The following GPHN variants were observed in gnomAD, a reference collection of about 807,000 sequenced individuals.
GPHN encodes gephyrin.
GPHN carries 17 observed loss-of-function variants against 95.5 expected under a neutral mutation model. The observed-to-expected ratio is 0.18, with a 90% CI of 0.12 to 0.27. The LOEUF (loss-of-function observed/expected upper bound fraction) is 0.27, where lower values mean the gene tolerates loss of function less well. GPHN is among the 10% of genes least tolerant of loss of function. GPHN has a pLI of 1.00. For synonymous variants in GPHN, 320 were observed against 322.5 expected, an observed-to-expected ratio of 0.99 and a Z score of 0.08; for missense variants, 660 against 978.1, an observed-to-expected ratio of 0.67 and a Z score of 4.34.
At chr14:66,779,584 G>A (rs1258621312) in intron 3 of GPHN, among the ~76,000 whole-genome samples, 1 of 152,060 alleles carries the variant, frequency 6.6e-6, no homozygotes, top group Non-Finnish European at 1.5e-5. Context: ...TAAACCAAGA[G>A]TTTTATGGAA....
At chr14:67,733,373 C>T in the GPHN span, among the ~76,000 whole-genome samples, 1 of 152,140 alleles carries the variant, frequency 6.6e-6, no homozygotes, top group African/African-American at 2.4e-5. Context: ...CGAATGTAGG[C>T]ACTGAACTGT....
chr14:67,682,189 G>A, the GPHN span, among the ~76,000 whole-genome samples: 2 of 152,162 alleles, frequency 1.3e-5, no homozygotes, highest in African/African-American at 4.8e-5. Flanking sequence ...AAAGACAGTA[G>A]TAAATCTTTG....
At chr14:66,650,331 A>G (rs1445933392) in intron 1 of GPHN, among the ~76,000 whole-genome samples, 1 of 152,198 alleles carries the variant, frequency 6.6e-6, no homozygotes, top group African/African-American at 2.4e-5. Flanking sequence ...AAAGAACAGA[A>G]GCAATTACTA....
intron 20 of GPHN, among the ~76,000 whole-genome samples, chr14:67,168,002 T>G (rs1424711749): frequency 6.6e-6 from 1 of 152,244 alleles, no homozygotes; most frequent in Non-Finnish European, 1.5e-5. Context: ...CCTCAAATTC[T>G]TCTCATAACT....
At chr14:67,713,705 C>G in the GPHN span, among the ~76,000 whole-genome samples, 1 of 152,176 alleles carries the variant, frequency 6.6e-6, no homozygotes, top group African/African-American at 2.4e-5. Context: ...GGCGCGTACC[C>G]AAGACACAGC....
chr14:66,646,224 G>A (rs1426297737), intron 1 of GPHN, among the ~76,000 whole-genome samples: 1 of 152,060 alleles, frequency 6.6e-6, no homozygotes, highest in Non-Finnish European at 1.5e-5. Context: ...CTAATCATTA[G>A]GCAAATGCAA....
intron 2 of GPHN, among the ~76,000 whole-genome samples, chr14:66,736,706 A>G (rs1042889798): frequency 4.6e-5 from 7 of 152,092 alleles, no homozygotes; most frequent in East Asian, 3.8e-4. Flanking sequence ...TGCCTGGCCT[A>G]TTTTGACTGT....
At position 66,922,770 on chromosome 14, in the gene GPHN, T is replaced by C; in HGVS notation, c.561T>C (p.Pro187=). Residue 187 remains proline (P), a synonymous_variant, in exon 7 of 23, where the codon CCT becomes CCC. Transcript: ENST00000478722. ...TGCATGATGAACTTGAAGATTTGCC[T>C]TCCCCACCTCCCCCTCTTTCCCCTC... is the stretch of plus-strand genomic sequence containing the variant. ...KEVHDELEDL[P]SPPPPLSPPP... 6.2e-7 allele frequency: 1 copy of C among 1,613,774 alleles called. No individual in the cohort carries two copies. The highest frequency in any genetic ancestry group is 8.5e-7 in the Non-Finnish European group (1 of 1,179,738).
the GPHN span, among the ~76,000 whole-genome samples, chr14:67,368,238 C>G: frequency 6.6e-6 from 1 of 152,126 alleles, no homozygotes; most frequent in Non-Finnish European, 1.5e-5. Flanking sequence ...AGTTTGAATG[C>G]TTTTGGCGGG....
rs530590230 is a variant in GPHN at position 67,170,735 on chromosome 14, A to G, written c.2079+1699A>G. Among the ~76,000 whole-genome samples, 25 of 152,348 alleles carry G rather than the reference A, an allele frequency of 1.6e-4. 1 individual carries two copies. In the South Asian group the frequency reaches 5.2e-3, roughly 32 times the overall value. On this transcript the variant is annotated intron_variant, in intron 21 of 22. Transcript: ENST00000478722. ...CAGCAGTGTCACTGGGACTGCCAGTATGGGTCATCAGTATGCTTGGCTATT... is the reference window on the plus strand; with the variant it reads ...CAGCAGTGTCACTGGGACTGCCAGTGTGGGTCATCAGTATGCTTGGCTATT...
At chr14:67,668,460 G>A in the GPHN span, among the ~76,000 whole-genome samples, 338 of 152,328 alleles carry the variant, frequency 2.2e-3, no homozygotes, top group Non-Finnish European at 3.5e-3. Flanking sequence ...CTGTACTTTG[G>A]AGAAATACAG....
At chr14:66,719,319 G>T (rs2104111) in intron 2 of GPHN, among the ~76,000 whole-genome samples, 49,840 of 152,036 alleles carry the variant, frequency 0.33, 11,991 homozygotes, top group African/African-American at 0.66. Context: ...TTCCTCTGAT[G>T]CCTCTATCCG....
the GPHN span, among the ~76,000 whole-genome samples, chr14:67,713,435 A>G: frequency 6.7e-6 from 1 of 149,168 alleles, no homozygotes; most frequent in Non-Finnish European, 1.5e-5. Flanking sequence ...GAGGGGATGT[A>G]CAGCAAAATA....
chr14:67,346,607 G>C, the GPHN span, among the ~76,000 whole-genome samples: 4 of 152,288 alleles, frequency 2.6e-5, no homozygotes, highest in African/African-American at 9.6e-5. Context: ...GAGCCACTGT[G>C]CCTGGCCAAG....
At chr14:67,622,822 G>T in the GPHN span, among the ~76,000 whole-genome samples, 5 of 152,280 alleles carry the variant, frequency 3.3e-5, no homozygotes, top group East Asian at 7.7e-4. Flanking sequence ...GACAAGAAGC[G>T]GTTTCAGCCT....
chr14:66,633,456 C>A (rs1007147228), intron 1 of GPHN, among the ~76,000 whole-genome samples: 2 of 152,094 alleles, frequency 1.3e-5, no homozygotes, highest in African/African-American at 4.8e-5. Context: ...TTACTGTATA[C>A]TCTTTCTGTT....
At chr14:67,728,701 T>TGTG in the GPHN span, among the ~76,000 whole-genome samples, 1 of 58,738 alleles carries the variant, frequency 1.7e-5, no homozygotes, top group East Asian at 7.2e-4. Flanking sequence ...AGGGATATCT[T>TGTG]GTGGGGGGGG....
the GPHN span, among the ~76,000 whole-genome samples, chr14:67,349,493 G>C: frequency 6.6e-6 from 1 of 152,136 alleles, no homozygotes; most frequent in East Asian, 1.9e-4. Flanking sequence ...CTTTACCCTG[G>C]AAACTATGTT....
At chr14:67,299,802 A>G in the GPHN span, among the ~76,000 whole-genome samples, 6 of 152,144 alleles carry the variant, frequency 3.9e-5, no homozygotes, top group Non-Finnish European at 8.8e-5. Flanking sequence ...ATAGGGAGAA[A>G]ATCTCTAATA....
Sources: gnomAD v4.1 joint callset for allele counts (sites outside exome capture counted in the v4.1 genomes callset) on GRCh38, gnomAD v4.1.1 for gene constraint, MANE v1.5 for transcripts, NCBI Gene and HGNC (gene_info 2026-07-23, HGNC 2026-07-21) for gene names.